The following RNF20 variants were observed in gnomAD, a reference collection of about 807,000 sequenced individuals.
RNF20 encodes the protein ring finger protein 20.
In RNF20, 84 loss-of-function variants were observed where a neutral mutation model predicts 126.2. That is an observed-to-expected ratio of 0.67 (90% confidence interval 0.56 to 0.80). RNF20 has a LOEUF of 0.80. Among genes scored for constraint, RNF20 ranks in the 30% least tolerant of loss-of-function variants. RNF20 has a pLI of 0.00. For synonymous variants in RNF20, 400 were observed against 414.3 expected, an observed-to-expected ratio of 0.97 and a Z score of 0.42; for missense variants, 869 against 1,188.2, an observed-to-expected ratio of 0.73 and a Z score of 3.95.
chr9:101,546,255 G>A (rs1827346250), intron 6 of RNF20, among the ~76,000 whole-genome samples: 2 of 152,142 alleles, frequency 1.3e-5, no homozygotes, highest in African/African-American at 4.8e-5. Flanking sequence ...ATACTAAATA[G>A]TGTTAGCTGG....
At chr9:101,538,941 A>G (rs149716098) in intron 2 of RNF20, among the ~76,000 whole-genome samples, 11 of 152,294 alleles carry the variant, frequency 7.2e-5, no homozygotes, top group African/African-American at 2.6e-4. Flanking sequence ...AGAGAGAAAA[A>G]TATTGAGAGG....
At chr9:101,558,864 A>T (rs1403127609) in intron 16 of RNF20, among the ~76,000 whole-genome samples, 1 of 151,962 alleles carries the variant, frequency 6.6e-6, no homozygotes, top group Non-Finnish European at 1.5e-5. Context: ...GTTTACCCTG[A>T]TGATTATTTC....
rs1316527598 is a variant in RNF20, at chr9:101,550,590, T to C, written c.1093-16T>C. The C allele has an allele frequency of 1.2e-6, 2 of 1,607,912 alleles. No homozygotes were observed. The highest frequency in any genetic ancestry group is 1.7e-6 in the Non-Finnish European group (2 of 1,176,114). ...TGCTAGATTCTGCTTCTGACTTTGC[T>C]TTGGGCCCTCCTAAGGTGGAATTGC... On this transcript the variant is annotated splice_polypyrimidine_tract_variant and intron_variant, in intron 9 of 19. Coordinates refer to ENST00000389120, the MANE Select transcript of RNF20 (RefSeq NM_019592.7).
At chr9:101,550,930 G>C in intron 10 of RNF20, 145 bp downstream of exon 10, 1 of 757,486 alleles carries the variant, frequency 1.3e-6, no homozygotes, top group East Asian at 2.6e-5. Flanking sequence ...TAGGTACTGG[G>C]CATATAAAGA....
Position 101,540,607 on chromosome 9 carries a change from A to G in RNF20, c.415A>G (p.Asn139Asp). ...TGAACCAGAACCAGACTCTGATAGC[A>G]ATCAGGAGCGTAAAGATGACCGAGA... Reference protein sequence around the residue: ...VPEPEPDSDSNQERKDDRERG... With the variant: ...VPEPEPDSDSDQERKDDRERG... The change falls in exon 4 of 20, where the codon AAT becomes GAT. Residue 139 changes from asparagine (N) to aspartate (D), a missense_variant. By Grantham distance (23) the Asn-to-Asp change is conservative. This residue lies in a region of RNF20 where 157 missense variants were observed against 236.0 expected (regional missense o/e 0.67). Coordinates refer to ENST00000389120, the MANE Select transcript of RNF20 (RefSeq NM_019592.7). 6.2e-7 allele frequency: 1 copy of G among 1,614,158 alleles called. No homozygotes were observed. The highest frequency in any genetic ancestry group is 8.5e-7 in the Non-Finnish European group (1 of 1,180,022).
chr9:101,540,035 T>A, intron 2 of RNF20, 168 bp from the exon 3 acceptor site: 1 of 640,696 alleles, frequency 1.6e-6, no homozygotes, highest in Non-Finnish European at 2.7e-6. Flanking sequence ...ATCATATACC[T>A]GTTGTTTATC....
intron 5 of RNF20, among the ~76,000 whole-genome samples, chr9:101,544,433 C>T (rs1182720620): frequency 6.6e-5 from 10 of 152,086 alleles, no homozygotes; most frequent in African/African-American, 2.2e-4. Context: ...AGGCCAGGCA[C>T]GGTGGCTCAC....
chr9:101,560,834 G>A lies in RNF20; in HGVS notation c.2416G>A (p.Glu806Lys). The part of the protein sequence containing the change: ...DAQLQVVRKL[E>K]EKEHLLQSNI... ...CCAGCTACAGGTAGTAAGGAAACTGGAAGAGAAGGAGCATCTGTTACAGAG... is the reference window on the plus strand; with the variant it reads ...CCAGCTACAGGTAGTAAGGAAACTGAAAGAGAAGGAGCATCTGTTACAGAG... Residue 806 changes from glutamate (E) to lysine (K), a missense_variant, in exon 17 of 20, where the codon GAA (glutamate) becomes AAA (lysine). Coordinates refer to ENST00000389120, the MANE Select transcript of RNF20 (RefSeq NM_019592.7). The A allele has an allele frequency of 6.2e-7, 1 of 1,613,434 alleles. No homozygotes were observed. Among genetic ancestry groups the A allele is most frequent in the Non-Finnish European group, 8.5e-7 (1 of 1,179,564 alleles).
At chr9:101,547,800 T>C (rs1256596968) in intron 9 of RNF20, among the ~76,000 whole-genome samples, 1 of 152,242 alleles carries the variant, frequency 6.6e-6, no homozygotes, top group Non-Finnish European at 1.5e-5. Context: ...CTCGCTGTCA[T>C]TACTTTTGTC....
Position 101,540,340 on chromosome 9 carries a change from A to C in RNF20, c.267A>C (p.Ser89=). The change falls in exon 3 of 20, where the codon TCA becomes TCC. Residue 89 remains serine (S), a synonymous_variant. Coordinates refer to ENST00000389120, the MANE Select transcript of RNF20 (RefSeq NM_019592.7). ...GACGACAGGCCACTGATGATGCCTC[A>C]CTATTGATTGTCAACCGATACTGGA... ...LERRQATDDA[S]LLIVNRYWSQ... 7 of 1,614,212 alleles carry C rather than the reference A, an allele frequency of 4.3e-6. No individual in the cohort carries two copies. The highest frequency in any genetic ancestry group is 5.9e-6 in the Non-Finnish European group (7 of 1,180,036).
At chr9:101,560,974 G>C in intron 17 of RNF20, 48 bp downstream of exon 17, 4 of 1,601,556 alleles carry the variant, frequency 2.5e-6, no homozygotes, top group Non-Finnish European at 3.4e-6. Flanking sequence ...GAACAAATAA[G>C]TATAACACTG....
chr9:101,540,641 A>G lies in RNF20; in HGVS notation c.445+4A>G, dbSNP rs758143655. 5 of 1,613,936 alleles carry G rather than the reference A, an allele frequency of 3.1e-6. No individual in the cohort carries two copies. The highest frequency in any genetic ancestry group is 2.7e-5 in the African/African-American group (2 of 74,908). ...CGTAAAGATGACCGAGAGAGAGGCA[A>G]GTGTTCGTGATGGATTCTATCACTG... On this transcript the variant is annotated splice_donor_region_variant and intron_variant, in intron 4 of 19. Transcript: ENST00000389120.
intron 16 of RNF20, 136 bp downstream of exon 16, chr9:101,557,732 G>A: frequency 1.6e-6 from 1 of 624,432 alleles, no homozygotes; most frequent in Middle Eastern, 4.3e-4. Context: ...TCATCATTAG[G>A]GTATTGGTAA....
chr9:101,535,871 A>T (rs1248616046), intron 2 of RNF20, among the ~76,000 whole-genome samples: 2 of 152,236 alleles, frequency 1.3e-5, no homozygotes, highest in East Asian at 3.8e-4. Context: ...TCAGTACCAG[A>T]TTCTAAGAGA....
chr9:101,535,215 C>G (rs922859024), intron 1 of RNF20, among the ~76,000 whole-genome samples, 183 bp from the exon 2 acceptor site: 1 of 151,708 alleles, frequency 6.6e-6, no homozygotes, highest in Non-Finnish European at 1.5e-5. Flanking sequence ...CCCGCCTTGA[C>G]TTTTACTCTA....
At chr9:101,535,344 T>C in intron 1 of RNF20, 54 bp from the exon 2 acceptor site, 1 of 1,456,520 alleles carries the variant, frequency 6.9e-7, no homozygotes, top group Non-Finnish European at 9.4e-7. Flanking sequence ...TGTTTTACTC[T>C]ATTGTTGCTT....
chr9:101,537,341 G>T (rs554951978), intron 2 of RNF20, among the ~76,000 whole-genome samples: 12 of 152,262 alleles, frequency 7.9e-5, no homozygotes, highest in Non-Finnish European at 1.6e-4. Flanking sequence ...GAAAGTAATG[G>T]AATTTTTACT....
intron 11 of RNF20, 84 bp from the exon 12 acceptor site, chr9:101,552,057 C>A: frequency 6.6e-7 from 1 of 1,523,622 alleles, no homozygotes; most frequent in Admixed American, 1.9e-5. Context: ...TTTCTCAGTG[C>A]CTCCTGATGT....
intron 15 of RNF20, among the ~76,000 whole-genome samples, chr9:101,555,247 A>C (rs866712257): frequency 6.6e-6 from 1 of 151,872 alleles, no homozygotes; most frequent in Non-Finnish European, 1.5e-5. Context: ...TTATAAATAT[A>C]TATCATTATA....
Sources: gnomAD v4.1 joint callset for allele counts (sites outside exome capture counted in the v4.1 genomes callset) on GRCh38, gnomAD v4.1.1 for gene constraint, gnomAD v4.1.1 regional missense constraint, MANE v1.5 for transcripts, NCBI Gene and HGNC (gene_info 2026-07-23, HGNC 2026-07-21) for gene names.